The following ZNF90 variants were observed in gnomAD, a reference collection of about 807,000 sequenced individuals.
The protein encoded by ZNF90 is zinc finger protein HTF9.
ZNF90 carries 11 observed loss-of-function variants against 12.0 expected under a neutral mutation model. The ratio of observed to expected loss-of-function variants is 0.92; its 90% confidence interval spans 0.58 to 1.52. ZNF90 has a LOEUF of 1.52. ZNF90 is among the 40% of genes most tolerant of loss of function. The pLI is 0.00. For synonymous variants in ZNF90, 232 were observed against 240.1 expected, an observed-to-expected ratio of 0.97 and a Z score of 0.31; for missense variants, 765 against 711.5, an observed-to-expected ratio of 1.08 and a Z score of -0.86.
At chr19:20,104,466 G>GT in intron 2 of ZNF90, 101 bp downstream of exon 2, 1 of 1,301,334 alleles carries the variant, frequency 7.7e-7, no homozygotes, top group Non-Finnish European at 1.0e-6. Context: ...GCATAAGAGA[G>GT]TTTTAGATCC....
intron 1 of ZNF90, among the ~76,000 whole-genome samples, chr19:20,086,669 A>C (rs1199247177): frequency 6.6e-6 from 1 of 152,200 alleles, no homozygotes; most frequent in East Asian, 1.9e-4. Flanking sequence ...TTTTAAAACT[A>C]TAATTTTAAA....
At chr19:20,104,110 G>T in intron 1 of ZNF90, 129 bp from the exon 2 acceptor site, 1 of 1,350,608 alleles carries the variant, frequency 7.4e-7, no homozygotes, top group Non-Finnish European at 1.0e-6. Flanking sequence ...TTGTTTTATT[G>T]GATAATTTAG....
At chr19:20,114,704 A>T (rs1555705479) in intron 3 of ZNF90, among the ~76,000 whole-genome samples, 1 of 152,202 alleles carries the variant, frequency 6.6e-6, no homozygotes. Flanking sequence ...CAGGTGGTCC[A>T]TAAAGAAGAA....
intron 1 of ZNF90, among the ~76,000 whole-genome samples, chr19:20,092,002 AGT>A (rs782047603): frequency 1.3e-5 from 2 of 152,132 alleles, no homozygotes; most frequent in Admixed American, 6.5e-5. Flanking sequence ...CAATAAACCA[AGT>A]GTGATCAGGG....
In ZNF90 at chr19:20,118,406, C is replaced by T; in HGVS notation, c.852C>T (p.Pro284=). The change falls in exon 4 of 4, where the codon CCC becomes CCT. Residue 284 remains proline, a synonymous_variant. Coordinates refer to ENST00000418063, the MANE Select transcript of ZNF90 (RefSeq NM_007138.2). ...AHKRIHTGEK[P]YKCDKCGRAF... is the part of the protein sequence containing the mutation. ...AGAGAATTCATACTGGAGAGAAACC[C>T]TACAAGTGTGATAAATGTGGCAGAG... 1 of 1,609,756 alleles carries T rather than the reference C, an allele frequency of 6.2e-7. No homozygotes were observed. Among genetic ancestry groups the T allele is most frequent in the Non-Finnish European group, 8.5e-7 (1 of 1,177,694 alleles).
At chr19:20,085,807 C>T (rs1275587111) in intron 1 of ZNF90, among the ~76,000 whole-genome samples, 1 of 151,982 alleles carries the variant, frequency 6.6e-6, no homozygotes, top group Non-Finnish European at 1.5e-5. Context: ...GCTAAATAAA[C>T]CTTTTGTCAT....
At chr19:20,086,602 A>G (rs1388908122) in intron 1 of ZNF90, among the ~76,000 whole-genome samples, 1 of 152,086 alleles carries the variant, frequency 6.6e-6, no homozygotes, top group East Asian at 1.9e-4. Context: ...GGTTATTTTA[A>G]TATCATTATT....
chr19:20,111,716 TGTG>T (rs1434343696), intron 3 of ZNF90, among the ~76,000 whole-genome samples: 1 of 152,168 alleles, frequency 6.6e-6, no homozygotes, highest in Non-Finnish European at 1.5e-5. Flanking sequence ...CATCTTGAAA[TGTG>T]GAGATTACAT....
chr19:20,085,485 C>A (rs2088852546), intron 1 of ZNF90, among the ~76,000 whole-genome samples: 1 of 152,068 alleles, frequency 6.6e-6, no homozygotes. Context: ...TGGTCTCGAT[C>A]TCCTGACCTC....
In ZNF90 at chr19:20,104,355, G is replaced by C; in HGVS notation, c.120G>C (p.Leu40=). 1.2e-6 allele frequency: 2 copies of C among 1,613,036 alleles called. No individual in the cohort carries two copies. Among genetic ancestry groups the C allele is most frequent in the Non-Finnish European group, 1.7e-6 (2 of 1,179,554 alleles). ...TGATGTTAGAGAACTACAGACACCT[G>C]GTCTTCCTTGGTGAGGATAAGTGGA... ...RDVMLENYRH[L]VFLGIVVTKP... is the part of the protein sequence containing the mutation. The change falls in exon 2 of 4, where the codon CTG becomes CTC. Residue 40 remains leucine, a synonymous_variant. Coordinates refer to ENST00000418063, the MANE Select transcript of ZNF90 (RefSeq NM_007138.2).
intron 3 of ZNF90, among the ~76,000 whole-genome samples, chr19:20,113,845 C>G (rs2089113323): frequency 6.6e-6 from 1 of 151,970 alleles, no homozygotes; most frequent in Non-Finnish European, 1.5e-5. Context: ...CTCCTAATTT[C>G]AACATCAATT....
intron 3 of ZNF90, among the ~76,000 whole-genome samples, chr19:20,110,341 T>A (rs189748616): frequency 6.6e-6 from 1 of 152,006 alleles, no homozygotes; most frequent in Non-Finnish European, 1.5e-5. Context: ...TGCAGTGGTG[T>A]GATCTTGGCT....
At position 20,096,484 on chromosome 19, in the gene ZNF90, A is replaced by T. The variant is rs1040832671; in HGVS notation, c.4-7755A>T. ...CCATTTTATAGGATTTGGGTAGGTA[A>T]AGGAAAATTACAGTCAAAGGGGGTT... On this transcript the variant is annotated intron_variant, in intron 1 of 3. Transcript: ENST00000418063. Among the ~76,000 whole-genome samples, 3 of 151,986 alleles carry T rather than the reference A, an allele frequency of 2.0e-5. No homozygotes were observed. In the South Asian group the frequency reaches 6.2e-4, roughly 32 times the overall value.
chr19:20,099,446 C>A (rs558827076), intron 1 of ZNF90, among the ~76,000 whole-genome samples: 1 of 152,186 alleles, frequency 6.6e-6, no homozygotes, highest in Non-Finnish European at 1.5e-5. Context: ...ATGGGAGGAA[C>A]GGTCTATCAT....
rs567559881 is a variant in ZNF90 at position 20,119,350 on chromosome 19, C to T, written c.1796C>T (p.Ala599Val). The change falls in exon 4 of 4, where the codon GCA becomes GTA. Residue 599 changes from alanine (A) to valine (V), a missense_variant. Coordinates refer to ENST00000418063, the MANE Select transcript of ZNF90 (RefSeq NM_007138.2). ...AAAGCCTACATAGTGAAGAACATGG[C>T]AAATCTTTGAAATATTCCTCAACCC... ...GQKAYIVKNM[A>V]NL 3 of 1,581,448 alleles carry T rather than the reference C, an allele frequency of 1.9e-6. No homozygotes were observed. Among genetic ancestry groups the T allele is most frequent in the Non-Finnish European group, 2.6e-6 (3 of 1,163,462 alleles).
intron 1 of ZNF90, among the ~76,000 whole-genome samples, chr19:20,083,421 G>A (rs1322300089): frequency 6.6e-6 from 1 of 151,818 alleles, no homozygotes; most frequent in Non-Finnish European, 1.5e-5. Context: ...TTTGACTCCT[G>A]GGTTCTAGCG....
At chr19:20,104,560 C>G (rs112976448) in intron 2 of ZNF90, among the ~76,000 whole-genome samples, 195 bp downstream of exon 2, 1 of 152,122 alleles carries the variant, frequency 6.6e-6, no homozygotes, top group African/African-American at 2.4e-5. Flanking sequence ...TTCCACTTTC[C>G]TGAGATGAGC....
chr19:20,120,217 C>T lies in ZNF90; in HGVS notation c.*857C>T. On this transcript the variant is annotated 3_prime_UTR_variant, in exon 4 of 4. Coordinates refer to ENST00000418063, the MANE Select transcript of ZNF90 (RefSeq NM_007138.2). ...ACAATTATAAAAAATATGGAAAACC[C>T]ATTAATGCCTACTCACATCTTACCC... 6.6e-6 allele frequency among the ~76,000 whole-genome samples: 1 copy of T among 152,260 alleles called. No individual in the cohort carries two copies. The highest frequency in any genetic ancestry group is 1.9e-4 in the East Asian group (1 of 5,194).
intron 1 of ZNF90, among the ~76,000 whole-genome samples, chr19:20,102,402 C>T (rs1466168759): frequency 6.6e-6 from 1 of 152,134 alleles, no homozygotes; most frequent in Non-Finnish European, 1.5e-5. Flanking sequence ...TTTAAAATAG[C>T]CAATCAGAAT....
Sources: gnomAD v4.1 joint callset for allele counts (sites outside exome capture counted in the v4.1 genomes callset) on GRCh38, gnomAD v4.1.1 for gene constraint, MANE v1.5 for transcripts, NCBI Gene and HGNC (gene_info 2026-07-23, HGNC 2026-07-21) for gene names.